The following TTC28 variants were observed in gnomAD, a reference collection of about 807,000 sequenced individuals.
TTC28 encodes the protein tetratricopeptide repeat domain 28.
A neutral mutation model predicts 198.0 loss-of-function variants in TTC28; 61 were observed. That is an observed-to-expected ratio of 0.31 (90% CI 0.25 to 0.38). The LOEUF is 0.38. Ranked by LOEUF, TTC28 falls within the 10% of genes least tolerant of loss-of-function variation. TTC28 has a pLI of 1.00. For missense variants in TTC28, 2,678 were observed against 3,164.0 expected (o/e 0.85, Z 3.69); for synonymous variants, 1,171 against 1,297.8 (o/e 0.90, Z 2.10).
chr22:28,551,914 A>C (rs1239914607), intron 2 of TTC28, among the ~76,000 whole-genome samples: 1 of 152,302 alleles, frequency 6.6e-6, no homozygotes, highest in African/African-American at 2.4e-5. Flanking sequence ...AGCACATCCA[A>C]ATCAGTAAGG....
At position 28,138,860 on chromosome 22, in the gene TTC28, T is replaced by C. The variant is rs924776245; in HGVS notation, c.1441+24232A>G. ...TAAAAGGAAATCAATATTGTTGAACTGAACTCAGATACGAACAAAGAATCG... is the reference window on the plus strand; with the variant it reads ...TAAAAGGAAATCAATATTGTTGAACCGAACTCAGATACGAACAAAGAATCG... On this transcript the variant is annotated intron_variant, in intron 6 of 22. Transcript: ENST00000397906. 4.6e-5 allele frequency among the ~76,000 whole-genome samples: 7 copies of C among 152,330 alleles called. No homozygotes were observed. In the East Asian group the frequency reaches 1.3e-3, roughly 29 times the overall value.
chr22:28,120,831 G>A (rs961286729), intron 6 of TTC28, among the ~76,000 whole-genome samples: 5 of 152,134 alleles, frequency 3.3e-5, no homozygotes, highest in Non-Finnish European at 5.9e-5. Context: ...CAAGGCAATC[G>A]GGTCTGAAAA....
intron 7 of TTC28, 72 bp from the exon 8 acceptor site, chr22:28,105,874 A>T: frequency 6.9e-7 from 1 of 1,449,930 alleles, no homozygotes; most frequent in East Asian, 2.5e-5. Context: ...CCCCTGAGAA[A>T]ATGAAAAGCA....
intron 2 of TTC28, among the ~76,000 whole-genome samples, chr22:28,345,539 G>A (rs1449361179): frequency 6.6e-6 from 1 of 152,144 alleles, no homozygotes; most frequent in Non-Finnish European, 1.5e-5. Flanking sequence ...CTTGCTCACA[G>A]AGCCCAAGGC....
chr22:28,487,098 T>C (rs6005791), intron 2 of TTC28, among the ~76,000 whole-genome samples: 62 of 152,204 alleles, frequency 4.1e-4, no homozygotes, highest in African/African-American at 1.4e-3. Flanking sequence ...TATGGAAAAA[T>C]CGATGGTGAA....
chr22:28,099,269 A>G (rs1403431829), intron 9 of TTC28, among the ~76,000 whole-genome samples: 1 of 152,250 alleles, frequency 6.6e-6, no homozygotes, highest in Non-Finnish European at 1.5e-5. Context: ...AGTTTGGAGC[A>G]CAGGCTCACA....
At chr22:28,587,372 G>GTAA (rs1462297577) in intron 2 of TTC28, among the ~76,000 whole-genome samples, 1 of 152,010 alleles carries the variant, frequency 6.6e-6, no homozygotes. Flanking sequence ...TCAAAAAATA[G>GTAA]TAATAATAAT....
intron 5 of TTC28, among the ~76,000 whole-genome samples, chr22:28,264,567 A>G (rs1020565711): frequency 6.6e-6 from 1 of 152,128 alleles, no homozygotes; most frequent in Admixed American, 6.6e-5. Flanking sequence ...AGATACATAG[A>G]TATTTCATAC....
intron 2 of TTC28, among the ~76,000 whole-genome samples, chr22:28,338,993 A>G (rs2045781397): frequency 6.6e-6 from 1 of 151,908 alleles, no homozygotes; most frequent in East Asian, 1.9e-4. Context: ...TTTTTTCCCC[A>G]TCTTTGTGGT....
At chr22:28,285,004 A>G (rs920680469) in intron 5 of TTC28, among the ~76,000 whole-genome samples, 1 of 152,218 alleles carries the variant, frequency 6.6e-6, no homozygotes, top group Admixed American at 6.5e-5. Context: ...TATATATCCA[A>G]AGCAAATGAA....
Position 27,999,094 on chromosome 22 carries a change from G to T in TTC28, c.4565C>A (p.Pro1522His). The T allele has an allele frequency of 6.4e-7, 1 of 1,550,580 alleles. No homozygotes were observed. The change falls in exon 16 of 23, where the codon CCC (proline) becomes CAC (histidine). Residue 1522 changes from proline (P) to histidine (H), a missense_variant. Pro to His is a moderately conservative substitution (Grantham distance 77). Coordinates refer to ENST00000397906, the MANE Select transcript of TTC28 (RefSeq NM_001145418.2). ...YMVSELLGCQ[P>H]LVGSVATKER... ...CTTGGTGGCCACACTGCCCACTAGG[G>T]GCTGGCAGCCCAGCAGCTCGGACAC...
At chr22:28,085,142 A>C (rs59105820) in intron 12 of TTC28, among the ~76,000 whole-genome samples, 21,130 of 152,028 alleles carry the variant, frequency 0.14, 1,898 homozygotes, top group South Asian at 0.38. Flanking sequence ...CAACATTCAA[A>C]TTCAGGAAAT....
At chr22:28,312,214 G>T (rs982255511) in intron 2 of TTC28, among the ~76,000 whole-genome samples, 29 of 152,166 alleles carry the variant, frequency 1.9e-4, no homozygotes, top group Admixed American at 3.3e-4. Context: ...GATTCATAAA[G>T]CAAGTTCTTA....
At chr22:28,400,996 T>C (rs886848118) in intron 2 of TTC28, among the ~76,000 whole-genome samples, 1 of 152,206 alleles carries the variant, frequency 6.6e-6, no homozygotes, top group African/African-American at 2.4e-5. Context: ...TTTAAGTTGA[T>C]GTTTTAGCTT....
intron 12 of TTC28, among the ~76,000 whole-genome samples, chr22:28,065,165 T>G (rs1940704413): frequency 6.6e-6 from 1 of 152,172 alleles, no homozygotes; most frequent in Non-Finnish European, 1.5e-5. Context: ...ACTCTTACCA[T>G]GCTAGGGTAT....
At position 28,163,019 on chromosome 22, in the gene TTC28, A is replaced by T. The variant is rs1302158360; in HGVS notation, c.1441+73T>A. ...ATATAAACACACAGATTCCTATAAA[A>T]GATAGTGATCTACTCCAGCTATTTC... On this transcript the variant is annotated intron_variant, in intron 6 of 22. Transcript: ENST00000397906. The T allele has an allele frequency of 2.1e-6, 3 of 1,425,902 alleles. No individual in the cohort carries two copies. The East Asian group carries it at 7.5e-5, about 36-fold the overall frequency. 88.3% of individuals were successfully genotyped at this position (1,425,902 alleles called of 1,614,324 possible). A position where few individuals can be genotyped will look rare whatever the true frequency, so the allele number is the denominator to read the frequency against.
At chr22:28,368,924 C>T (rs1411986323) in intron 2 of TTC28, among the ~76,000 whole-genome samples, 1 of 151,934 alleles carries the variant, frequency 6.6e-6, no homozygotes, top group Non-Finnish European at 1.5e-5. Flanking sequence ...ATTCCATGTT[C>T]ATGGATTATA....
chr22:28,169,957 G>A (rs1362895472), intron 5 of TTC28, among the ~76,000 whole-genome samples: 78 of 151,848 alleles, frequency 5.1e-4, no homozygotes, highest in Non-Finnish European at 1.2e-4. Context: ...GTTGCTAATC[G>A]TACTTCTATC....
intron 2 of TTC28, among the ~76,000 whole-genome samples, chr22:28,563,440 A>G (rs1017751809): frequency 1.2e-4 from 19 of 152,222 alleles, no homozygotes; most frequent in Admixed American, 5.2e-4. Context: ...TTTGCTTTGC[A>G]ACCATATACC....
Sources: allele counts gnomAD v4.1 joint callset (sites outside exome capture counted in the v4.1 genomes callset), GRCh38; gene constraint gnomAD v4.1.1; transcripts MANE v1.5; gene names NCBI Gene and HGNC (gene_info 2026-07-23, HGNC 2026-07-21).